The following RIC1 variants were observed in gnomAD, a reference collection of about 807,000 sequenced individuals.
The protein encoded by RIC1 is RIC1 partner of RAB6A GEF complex.
In RIC1, 88 loss-of-function variants were observed where a neutral mutation model predicts 169.0. The ratio of observed to expected loss-of-function variants is 0.52; its 90% CI spans 0.44 to 0.62. The LOEUF (loss-of-function observed/expected upper bound fraction) is 0.62. RIC1 is among the 20% of genes least tolerant of loss of function. RIC1 has a pLI of 0.00. For missense variants in RIC1, 1,877 were observed against 1,725.5 expected, an observed-to-expected ratio of 1.09 and a Z score of -1.56; for synonymous variants, 790 against 601.5, an observed-to-expected ratio of 1.31 and a Z score of -4.59.
intron 2 of RIC1, among the ~76,000 whole-genome samples, chr9:5,689,555 C>T (rs917682281): frequency 4.6e-5 from 7 of 151,998 alleles, no homozygotes; most frequent in South Asian, 2.1e-4. Context: ...GTAGAGTAAG[C>T]GTTTTGTCTT....
intron 11 of RIC1, among the ~76,000 whole-genome samples, 170 bp from the exon 12 acceptor site, chr9:5,747,132 G>C (rs906387850): frequency 6.6e-6 from 1 of 152,186 alleles, no homozygotes; most frequent in Non-Finnish European, 1.5e-5. Context: ...TTATAACAGT[G>C]CATGAGATTA....
Position 5,715,564 on chromosome 9 carries a change from C to G in RIC1, c.440+1561C>G, listed in dbSNP as rs74796276. 2.1e-3 allele frequency among the ~76,000 whole-genome samples: 313 copies of G among 152,214 alleles called. 2 individuals carry two copies. The highest frequency in any genetic ancestry group is 7.3e-3 in the African/African-American group (303 of 41,532). ...TTAAATCGAGTGAGAAGACATGAAA[C>G]TTAGATTTTTATAACCAATTATTTT... On this transcript the variant is annotated intron_variant, in intron 4 of 25. Coordinates refer to ENST00000414202, the MANE Select transcript of RIC1 (RefSeq NM_020829.4).
At chr9:5,743,093 A>G in intron 9 of RIC1, 80 bp downstream of exon 9, 1 of 1,366,332 alleles carries the variant, frequency 7.3e-7, no homozygotes, top group South Asian at 1.4e-5. Context: ...CTTGTGTCAG[A>G]ACTTCCCTTT....
chr9:5,678,221 C>G (rs1346761138), intron 2 of RIC1, among the ~76,000 whole-genome samples: 1 of 152,124 alleles, frequency 6.6e-6, no homozygotes, highest in East Asian at 1.9e-4. Context: ...TATATATGTG[C>G]CACATTTTCT....
chr9:5,746,189 C>G (rs1335173546), intron 11 of RIC1, 106 bp downstream of exon 11: 1 of 709,900 alleles, frequency 1.4e-6, no homozygotes, highest in Non-Finnish European at 2.1e-6. Context: ...GGCATATTAT[C>G]TTCTTTTCTA....
intron 2 of RIC1, among the ~76,000 whole-genome samples, chr9:5,665,791 T>C (rs920890443): frequency 6.6e-6 from 1 of 152,164 alleles, no homozygotes; most frequent in Admixed American, 6.5e-5. Flanking sequence ...ACAGCAAAGA[T>C]GGCAGCCTCC....
intron 2 of RIC1, among the ~76,000 whole-genome samples, chr9:5,666,709 C>G (rs983744297): frequency 1.2e-4 from 18 of 152,108 alleles, no homozygotes; most frequent in African/African-American, 4.1e-4. Flanking sequence ...TTGAATCATC[C>G]TTGCATTCAG....
At chr9:5,756,653 C>T (rs1391928915) in intron 16 of RIC1, among the ~76,000 whole-genome samples, 1 of 151,988 alleles carries the variant, frequency 6.6e-6, no homozygotes, top group Non-Finnish European at 1.5e-5. Flanking sequence ...TTTTTCACAA[C>T]CTTGAAAATA....
chr9:5,757,360 C>T lies in RIC1; in HGVS notation c.1901C>T (p.Ser634Leu). Reference sequence around the variant, plus strand: ...CAAGTTCTTCAGGAGGTTTCCATGTCACGCTACATTCCTCACCCTTTCCTG... The same window carrying T: ...CAAGTTCTTCAGGAGGTTTCCATGTTACGCTACATTCCTCACCCTTTCCTG... ...GIQVLQEVSM[S>L]RYIPHPFLVV... Residue 634 changes from serine (S) to leucine (L), a missense_variant, in exon 17 of 26, where the codon TCA becomes TTA. Transcript: ENST00000414202. The T allele has an allele frequency of 6.2e-7, 1 of 1,614,034 alleles. No individual in the cohort carries two copies. The highest frequency in any genetic ancestry group is 8.5e-7 in the Non-Finnish European group (1 of 1,179,928).
At chr9:5,757,258 A>T in intron 16 of RIC1, 55 bp from the exon 17 acceptor site, 1 of 1,596,882 alleles carries the variant, frequency 6.3e-7, no homozygotes, top group Non-Finnish European at 8.6e-7. Flanking sequence ...TGGAAAAGAA[A>T]GAAAATCTTA....
intron 2 of RIC1, among the ~76,000 whole-genome samples, chr9:5,686,418 A>G (rs1291725563): frequency 6.6e-6 from 1 of 152,196 alleles, no homozygotes; most frequent in East Asian, 1.9e-4. Flanking sequence ...AAAATGTGGC[A>G]CATATACACC....
At chr9:5,753,901 C>G (rs1400445149) in intron 14 of RIC1, among the ~76,000 whole-genome samples, 2 of 152,026 alleles carry the variant, frequency 1.3e-5, no homozygotes, top group Admixed American at 6.5e-5. Flanking sequence ...AATTCCTTAG[C>G]CTGAGGATTT....
intron 8 of RIC1, 39 bp downstream of exon 8, chr9:5,738,577 A>G (rs755896999): frequency 4.2e-6 from 5 of 1,190,026 alleles, no homozygotes; most frequent in Non-Finnish European, 5.8e-6. Context: ...AACATTTTTA[A>G]TGTACTGGTA....
intron 3 of RIC1, among the ~76,000 whole-genome samples, chr9:5,711,161 AG>A (rs2130817243): frequency 6.6e-6 from 1 of 152,294 alleles, no homozygotes; most frequent in African/African-American, 2.4e-5. Flanking sequence ...AGAAGATCCT[AG>A]GTACTTCAGA....
chr9:5,774,897 G>A lies in RIC1; in HGVS notation c.*651G>A, dbSNP rs1827494539. 6.6e-6 allele frequency: 1 copy of A among 152,226 alleles called. No individual in the cohort carries two copies. Among genetic ancestry groups the A allele is most frequent in the African/African-American group, 2.4e-5 (1 of 41,462 alleles). The allele number at this position is 152,226 out of a possible 1,614,324, so 9.4% of individuals were successfully genotyped here. ...ATTAGACCAATGTGGGCAGAGGTCT[G>A]AGGGGGTTCTTCTCAATTTTGCTGT... On this transcript the variant is annotated 3_prime_UTR_variant, in exon 26 of 26. Transcript: ENST00000414202.
At chr9:5,653,566 A>G (rs528681609) in intron 1 of RIC1, among the ~76,000 whole-genome samples, 14 of 151,740 alleles carry the variant, frequency 9.2e-5, no homozygotes, top group Admixed American at 6.6e-4. Context: ...TTAACATGGT[A>G]TATGTCTCCA....
At chr9:5,726,036 T>G (rs982257741) in intron 6 of RIC1, among the ~76,000 whole-genome samples, 12 of 152,324 alleles carry the variant, frequency 7.9e-5, no homozygotes, top group Admixed American at 2.6e-4. Context: ...TCTGTTGATT[T>G]GGGGTGGAGA....
At position 5,635,625 on chromosome 9, in the gene RIC1, C is replaced by T. The variant is rs79762566; in HGVS notation, c.144+6172C>T. On this transcript the variant is annotated intron_variant, in intron 1 of 25. Transcript: ENST00000414202. ...GAAATCAGGTTGATATGGTTTGGCTCTATTTCCCCACCCAAATTTCATCTC... is the reference window on the plus strand; with the variant it reads ...GAAATCAGGTTGATATGGTTTGGCTTTATTTCCCCACCCAAATTTCATCTC... Among the ~76,000 whole-genome samples, 905 of 152,302 alleles carry T rather than the reference C, an allele frequency of 5.9e-3. 5 individuals are homozygous for T. The highest frequency in any genetic ancestry group is 0.011 in the Non-Finnish European group (723 of 68,032).
chr9:5,714,825 G>C (rs770737032), intron 4 of RIC1, among the ~76,000 whole-genome samples: 1 of 152,156 alleles, frequency 6.6e-6, no homozygotes, highest in Non-Finnish European at 1.5e-5. Context: ...CTATGGGACA[G>C]GTTTGGGGGA....
Sources: allele counts gnomAD v4.1 joint callset (sites outside exome capture counted in the v4.1 genomes callset), GRCh38; gene constraint gnomAD v4.1.1; transcripts MANE v1.5; gene names NCBI Gene and HGNC (gene_info 2026-07-23, HGNC 2026-07-21).